Variants in LRRC4C observed in about 807,000 individuals in gnomAD.
LRRC4C encodes leucine-rich repeat-containing protein 4C.
Under a neutral mutation model 33.6 loss-of-function variants are expected in LRRC4C, and 5 were observed. That is an observed-to-expected ratio of 0.15 (90% CI 0.08 to 0.31). LRRC4C has a LOEUF of 0.31. Ranked by LOEUF, LRRC4C falls within the 10% of genes least tolerant of loss-of-function variation. The pLI, the probability that LRRC4C is intolerant of heterozygous loss-of-function variation, is 1.00. For missense variants in LRRC4C, 560 were observed against 796.7 expected (o/e 0.70, Z 3.58); for synonymous variants, 329 against 302.0 (o/e 1.09, Z -0.93).
In LRRC4C at chr11:40,193,257, A is replaced by G. The variant is rs184959198; in HGVS notation, c.-96+48262T>C. 3.1e-3 allele frequency among the ~76,000 whole-genome samples: 469 copies of G among 152,268 alleles called. 8 individuals carry two copies. Among genetic ancestry groups the G allele is most frequent in the Admixed American group, 0.027 (409 of 15,308 alleles). On this transcript the variant is annotated intron_variant, in intron 5 of 6. Transcript: ENST00000528697. The stretch of plus-strand genomic sequence containing the variant: ...CTGGGAGGAAGCTTCCAGAGGAGGA[A>G]GCAGGCAGCAATCTTTGCTGTTCTT...
At chr11:41,356,489 G>A (rs1467338763) in intron 1 of LRRC4C, among the ~76,000 whole-genome samples, 4 of 152,094 alleles carry the variant, frequency 2.6e-5, no homozygotes, top group Non-Finnish European at 5.9e-5. Context: ...AGGAGCTGCA[G>A]AATTATGTCT....
chr11:40,138,325 C>T (rs1476192476), intron 6 of LRRC4C, among the ~76,000 whole-genome samples: 2 of 152,086 alleles, frequency 1.3e-5, no homozygotes, highest in African/African-American at 4.8e-5. Flanking sequence ...TGCATGCTAC[C>T]ACACATGGCT....
chr11:41,024,246 T>C (rs994462441), intron 1 of LRRC4C, among the ~76,000 whole-genome samples: 1 of 151,736 alleles, frequency 6.6e-6, no homozygotes, highest in Non-Finnish European at 1.5e-5. Context: ...ATAAATATAA[T>C]TGTTTTTACA....
chr11:40,522,347 T>G (rs1273027729), intron 3 of LRRC4C, among the ~76,000 whole-genome samples: 1 of 152,172 alleles, frequency 6.6e-6, no homozygotes, highest in African/African-American at 2.4e-5. Context: ...GAAAAAGTTC[T>G]GCAGATGGAT....
At chr11:41,406,929 T>G (rs117479061) in intron 1 of LRRC4C, among the ~76,000 whole-genome samples, 3,795 of 152,284 alleles carry the variant, frequency 0.025, 77 homozygotes, top group Non-Finnish European at 0.039. Context: ...ATGTTAGTTT[T>G]TTGGTGGCAT....
intron 3 of LRRC4C, among the ~76,000 whole-genome samples, chr11:40,385,665 G>C (rs752049243): frequency 6.6e-6 from 1 of 151,776 alleles, no homozygotes; most frequent in Non-Finnish European, 1.5e-5. Context: ...CCAAGAGATC[G>C]AGACCATCCT....
At chr11:41,027,045 G>T (rs1856423416) in intron 1 of LRRC4C, among the ~76,000 whole-genome samples, 2 of 151,574 alleles carry the variant, frequency 1.3e-5, no homozygotes, top group African/African-American at 4.8e-5. Flanking sequence ...TGCTTGTGAA[G>T]CACATGAAGG....
intron 1 of LRRC4C, among the ~76,000 whole-genome samples, chr11:41,009,198 T>C (rs1854990178): frequency 6.6e-6 from 1 of 151,974 alleles, no homozygotes; most frequent in African/African-American, 2.4e-5. Context: ...AAATTTGACA[T>C]TGTTTTGAAT....
chr11:41,209,124 T>C (rs1946718026), intron 1 of LRRC4C, among the ~76,000 whole-genome samples: 1 of 151,322 alleles, frequency 6.6e-6, no homozygotes, highest in African/African-American at 2.4e-5. Context: ...TTGGTGATGA[T>C]AATCTGTACA....
intron 6 of LRRC4C, among the ~76,000 whole-genome samples, chr11:40,130,833 G>A (rs933416541): frequency 2.0e-5 from 3 of 151,964 alleles, no homozygotes; most frequent in African/African-American, 7.3e-5. Flanking sequence ...TTCCTCTTTG[G>A]GGACTTGCTC....
intron 1 of LRRC4C, among the ~76,000 whole-genome samples, chr11:41,109,209 A>G (rs1387446781): frequency 1.3e-5 from 2 of 152,064 alleles, no homozygotes; most frequent in Non-Finnish European, 2.9e-5. Flanking sequence ...CTTTTCTACT[A>G]TATAATTGGA....
chr11:40,518,799 A>G (rs908782097), intron 3 of LRRC4C, among the ~76,000 whole-genome samples: 1 of 90,162 alleles, frequency 1.1e-5, no homozygotes, highest in East Asian at 7.0e-4. Flanking sequence ...ACACATGCAC[A>G]CATATTGCGG....
At chr11:40,119,690 C>T (rs987588573) in intron 6 of LRRC4C, among the ~76,000 whole-genome samples, 2 of 152,076 alleles carry the variant, frequency 1.3e-5, no homozygotes, top group Admixed American at 6.6e-5. Flanking sequence ...TTTGTGTTTT[C>T]TGATGTTCTA....
intron 2 of LRRC4C, among the ~76,000 whole-genome samples, chr11:40,821,064 TA>T (rs1951908978): frequency 6.6e-6 from 1 of 151,726 alleles, no homozygotes. Flanking sequence ...CAATATATTT[TA>T]AAAGAAAATA....
intron 1 of LRRC4C, among the ~76,000 whole-genome samples, chr11:41,296,225 C>T (rs1378267378): frequency 1.3e-5 from 2 of 152,174 alleles, no homozygotes; most frequent in African/African-American, 2.4e-5. Flanking sequence ...AGGATCTTCC[C>T]TGCTTTCACA....
At chr11:41,385,784 T>A (rs1160235685) in intron 1 of LRRC4C, among the ~76,000 whole-genome samples, 1 of 151,510 alleles carries the variant, frequency 6.6e-6, no homozygotes, top group African/African-American at 2.4e-5. Context: ...AAACGTCCAA[T>A]AGGGAAGATA....
intron 1 of LRRC4C, among the ~76,000 whole-genome samples, chr11:41,193,204 G>T (rs1429447317): frequency 6.6e-6 from 1 of 151,980 alleles, no homozygotes; most frequent in Non-Finnish European, 1.5e-5. Flanking sequence ...TTTCATTGAT[G>T]GTTTGTACCT....
chr11:41,024,631 C>T (rs373390609), intron 1 of LRRC4C, among the ~76,000 whole-genome samples: 13 of 151,728 alleles, frequency 8.6e-5, no homozygotes, highest in East Asian at 1.9e-4. Flanking sequence ...CCCTTGGCTA[C>T]GGCATTATAT....
intron 1 of LRRC4C, among the ~76,000 whole-genome samples, chr11:40,969,693 T>C (rs938656961): frequency 1.3e-5 from 2 of 152,164 alleles, no homozygotes; most frequent in Non-Finnish European, 2.9e-5. Context: ...CTAAGGTATA[T>C]ACACTATTTA....
Sources: allele counts gnomAD v4.1 joint callset (sites outside exome capture counted in the v4.1 genomes callset), GRCh38; gene constraint gnomAD v4.1.1; transcripts MANE v1.5; gene names NCBI Gene and HGNC (gene_info 2026-07-23, HGNC 2026-07-21).